RPAP2: variants seen among roughly 807,000 people sequenced by gnomAD.
RPAP2 encodes putative RNA polymerase II subunit B1 CTD phosphatase RPAP2.
Under a neutral mutation model 73.1 loss-of-function variants are expected in RPAP2, and 52 were observed. The observed-to-expected ratio is 0.71, with a 90% CI of 0.57 to 0.90. RPAP2 has a LOEUF of 0.90. Among genes scored for constraint, RPAP2 ranks in the 40% least tolerant of loss-of-function variants. The probability of loss-of-function intolerance (pLI) is 0.00; values close to 1 mark genes in which losing one functional copy is unlikely to be tolerated. For missense variants in RPAP2, 598 were observed against 701.8 expected, an observed-to-expected ratio of 0.85 and a Z score of 1.67; for synonymous variants, 225 against 242.1, an observed-to-expected ratio of 0.93 and a Z score of 0.65.
intron 11 of RPAP2, among the ~76,000 whole-genome samples, chr1:92,351,950 G>A (rs934218300): frequency 1.5e-4 from 23 of 152,090 alleles, no homozygotes; most frequent in Admixed American, 6.5e-4. Context: ...CAGGGAGAGA[G>A]GTGTGTGTTG....
chr1:92,365,167 C>T (rs575532610), intron 11 of RPAP2, among the ~76,000 whole-genome samples: 1 of 152,284 alleles, frequency 6.6e-6, no homozygotes, highest in East Asian at 1.9e-4. Flanking sequence ...TAATACCTCC[C>T]TTGTATAAAC....
chr1:92,373,733 T>TAA (rs1395822870), intron 11 of RPAP2, among the ~76,000 whole-genome samples: 1,164 of 40,850 alleles, frequency 0.028, 218 homozygotes, highest in East Asian at 0.046. Flanking sequence ...CCGTCTCTAC[T>TAA]AAAAATAAAA....
intron 11 of RPAP2, among the ~76,000 whole-genome samples, chr1:92,371,312 A>C (rs1655137038): frequency 1.1e-5 from 1 of 89,096 alleles, no homozygotes; most frequent in Non-Finnish European, 2.2e-5. Context: ...CTCAAAAAAA[A>C]AAAAAAAATA....
At chr1:92,362,512 CTGTT>C (rs1487083123) in intron 11 of RPAP2, among the ~76,000 whole-genome samples, 2 of 152,116 alleles carry the variant, frequency 1.3e-5, no homozygotes, top group Non-Finnish European at 2.9e-5. Flanking sequence ...TGGGATTTGG[CTGTT>C]TGTCATTTTA....
intron 10 of RPAP2, among the ~76,000 whole-genome samples, chr1:92,342,845 G>A (rs1653674946): frequency 6.6e-6 from 1 of 152,072 alleles, no homozygotes; most frequent in African/African-American, 2.4e-5. Context: ...ACTGAGATAG[G>A]AGTGTCACAC....
chr1:92,323,868 A>G lies in RPAP2; in HGVS notation c.948A>G (p.Glu316=). 3 of 1,614,018 alleles carry G rather than the reference A, an allele frequency of 1.9e-6. No homozygotes were observed. Among genetic ancestry groups the G allele is most frequent in the South Asian group, 2.2e-5 (2 of 91,070 alleles). The change falls in exon 8 of 13, where the codon GAA becomes GAG. Residue 316 remains glutamate, a synonymous_variant. Transcript: ENST00000610020. The part of the protein sequence containing the change: ...PERLKASENS[E]SEYSRSEITL... ...GATTAAAAGCGTCAGAAAATTCTGA[A>G]AGTGAATACAGTAGGTCAGAAATAA...
intron 10 of RPAP2, among the ~76,000 whole-genome samples, chr1:92,338,199 A>G (rs1281655304): frequency 6.6e-6 from 1 of 152,176 alleles, no homozygotes; most frequent in Non-Finnish European, 1.5e-5. Context: ...TTAGGTAATG[A>G]TAAACTGAAT....
At chr1:92,314,862 T>C (rs1408412878) in intron 6 of RPAP2, among the ~76,000 whole-genome samples, 1 of 151,594 alleles carries the variant, frequency 6.6e-6, no homozygotes, top group Non-Finnish European at 1.5e-5. Flanking sequence ...CTGGCCAACA[T>C]GGCAAAACCC....
intron 11 of RPAP2, among the ~76,000 whole-genome samples, chr1:92,360,554 A>C (rs1052237624): frequency 2.6e-5 from 4 of 152,190 alleles, no homozygotes; most frequent in African/African-American, 9.7e-5. Flanking sequence ...TTAGACAGGC[A>C]AGGCTGGAAG....
chr1:92,313,569 T>G (rs765209636), intron 6 of RPAP2, among the ~76,000 whole-genome samples: 3 of 152,090 alleles, frequency 2.0e-5, no homozygotes, highest in Admixed American at 1.3e-4. Flanking sequence ...CAGAGTAGAT[T>G]TAGCATAATT....
chr1:92,377,524 A>G (rs1168649904), intron 11 of RPAP2, among the ~76,000 whole-genome samples: 4 of 150,972 alleles, frequency 2.6e-5, no homozygotes, highest in Non-Finnish European at 4.4e-5. Context: ...CTCAAAAAAA[A>G]AAAAAAAAAA....
At chr1:92,307,745 G>C (rs1265045904) in intron 6 of RPAP2, among the ~76,000 whole-genome samples, 1 of 148,724 alleles carries the variant, frequency 6.7e-6, no homozygotes, top group African/African-American at 2.5e-5. Flanking sequence ...TTTGTAAAAA[G>C]AGTTTATGGG....
Position 92,395,572 on chromosome 1 carries a change from G to T in RPAP2, c.*8561G>T, listed in dbSNP as rs1406465403. On this transcript the variant is annotated 3_prime_UTR_variant, in exon 13 of 13. Transcript: ENST00000610020. ...GATCTCTTGACCCTGGGAGGCAGAG[G>T]TTGCAGTGAGCCAAGATCACACCAC... 3 of 149,868 alleles carry T rather than the reference G, an allele frequency of 2.0e-5. No individual in the cohort carries two copies. Among genetic ancestry groups the T allele is most frequent in the Non-Finnish European group, 4.4e-5 (3 of 67,850 alleles). The allele number at this position is 149,868 out of a possible 1,614,324, so 9.3% of individuals were successfully genotyped here.
At position 92,307,249 on chromosome 1, in the gene RPAP2, C is replaced by T. The variant is rs778370973; in HGVS notation, c.461C>T (p.Thr154Ile). Residue 154 changes from threonine to isoleucine, a missense_variant, in exon 6 of 13, where the codon ACT (threonine) becomes ATT (isoleucine). Physicochemically the swap from Thr to Ile is moderately conservative, Grantham distance 89. Around this residue, in one of 3 missense-constraint regions of RPAP2, gnomAD observed 506 missense variants for 612.8 expected, o/e 0.83. Coordinates refer to ENST00000610020, the MANE Select transcript of RPAP2 (RefSeq NM_024813.3). Reference sequence around the variant, plus strand: ...TTTTTTGAAGCACAAATTCCCAAAACTCCAGTATGGGTTCGAGAAGAAGAG... The same window carrying T: ...TTTTTTGAAGCACAAATTCCCAAAATTCCAGTATGGGTTCGAGAAGAAGAG... The part of the protein sequence containing the change: ...SKFFEAQIPK[T>I]PVWVREEERH... 3.7e-6 allele frequency: 6 copies of T among 1,612,108 alleles called. No homozygotes were observed. The Admixed American group carries it at 1.0e-4, about 27-fold the overall frequency.
At chr1:92,339,208 T>G (rs1000385183) in intron 10 of RPAP2, among the ~76,000 whole-genome samples, 2 of 152,070 alleles carry the variant, frequency 1.3e-5, no homozygotes, top group Non-Finnish European at 2.9e-5. Flanking sequence ...AGGAAAAAAA[T>G]GTTAGGCTAC....
At chr1:92,336,166 G>A (rs1333619305) in intron 9 of RPAP2, among the ~76,000 whole-genome samples, 181 bp from the exon 10 acceptor site, 3 of 152,072 alleles carry the variant, frequency 2.0e-5, no homozygotes, top group Non-Finnish European at 2.9e-5. Flanking sequence ...AGTGGAGTGT[G>A]GGGTTACTAT....
Position 92,336,871 on chromosome 1 carries a change from A to G in RPAP2, c.1619+444A>G, listed in dbSNP as rs1653309974. ...AGTACAAGACAGTGGGCAATTTAAT[A>G]TTGAATTACACAGAACAGACTTAAA... On this transcript the variant is annotated intron_variant, in intron 10 of 12. Transcript: ENST00000610020. Among the ~76,000 whole-genome samples the G allele has an allele frequency of 2.0e-5, 3 of 152,180 alleles. No homozygotes were observed. In the South Asian group the frequency reaches 6.2e-4, roughly 31 times the overall value.
chr1:92,398,360 C>T lies in RPAP2; in HGVS notation c.*11349C>T, dbSNP rs1656236748. On this transcript the variant is annotated 3_prime_UTR_variant, in exon 13 of 13. Coordinates refer to ENST00000610020, the MANE Select transcript of RPAP2 (RefSeq NM_024813.3). ...TGTTTACAGGAGTGAACCACCGCAC[C>T]TGGCCAGTGGAGTCTTTTTAAGGTA... 1 of 152,072 alleles carries T rather than the reference C, an allele frequency of 6.6e-6. No individual in the cohort carries two copies. The highest frequency in any genetic ancestry group is 2.4e-5 in the African/African-American group (1 of 41,408). The allele number at this position is 152,072 out of a possible 1,614,324, so 9.4% of individuals were successfully genotyped here.
At chr1:92,341,979 T>C (rs1326340088) in intron 10 of RPAP2, among the ~76,000 whole-genome samples, 1 of 152,214 alleles carries the variant, frequency 6.6e-6, no homozygotes, top group Non-Finnish European at 1.5e-5. Flanking sequence ...ATTTTATTCC[T>C]ATATGCTTAT....
Sources: gnomAD v4.1 joint callset for allele counts (sites outside exome capture counted in the v4.1 genomes callset) on GRCh38, gnomAD v4.1.1 for gene constraint, gnomAD v4.1.1 regional missense constraint, MANE v1.5 for transcripts, NCBI Gene and HGNC (gene_info 2026-07-23, HGNC 2026-07-21) for gene names.